The following OGDH variants were observed in gnomAD, a reference collection of about 807,000 sequenced individuals.
The protein encoded by OGDH is 2-oxoglutarate dehydrogenase complex component E1.
OGDH carries 38 observed loss-of-function variants against 116.6 expected under a neutral mutation model. The ratio of observed to expected loss-of-function variants is 0.33; its 90% CI spans 0.25 to 0.43. The LOEUF is 0.43. OGDH is among the 20% of genes least tolerant of loss of function. OGDH has a pLI of 1.00. For missense variants in OGDH, 825 were observed against 1,357.2 expected, an observed-to-expected ratio of 0.61 and a Z score of 6.16; for synonymous variants, 488 against 533.3, an observed-to-expected ratio of 0.92 and a Z score of 1.17.
At chr7:44,693,744 A>G in intron 10 of OGDH, 81 bp from the exon 11 acceptor site, 1 of 1,321,806 alleles carries the variant, frequency 7.6e-7, no homozygotes, top group Middle Eastern at 1.9e-4. Flanking sequence ...AGTGCATGCC[A>G]TGCCCGGCCT....
chr7:44,696,391 G>A (rs1235751118), intron 13 of OGDH, 38 bp from the exon 14 acceptor site: 4 of 1,600,030 alleles, frequency 2.5e-6, no homozygotes, highest in South Asian at 2.2e-5. Context: ...TGGAAAAGTA[G>A]AGCAGATGTC....
At position 44,645,381 on chromosome 7, in the gene OGDH, T is replaced by G. The variant is rs1324734463; in HGVS notation, c.277T>G (p.Tyr93Asp). The G allele has an allele frequency of 6.2e-7, 1 of 1,614,102 alleles. No homozygotes were observed. Among genetic ancestry groups the G allele is most frequent in the Non-Finnish European group, 8.5e-7 (1 of 1,180,030 alleles). The change falls in exon 3 of 23, where the codon TAC (tyrosine) becomes GAC (aspartate). Residue 93 changes from tyrosine (Y) to aspartate (D), a missense_variant. Around this residue, in one of 7 missense-constraint regions of OGDH, gnomAD observed 126 missense variants for 130.4 expected, o/e 0.97. Transcript: ENST00000222673. The stretch of plus-strand genomic sequence containing the variant: ...TGCCGGAGCCCCACCGGGCACTGCC[T>G]ACCAGAGTCCCCTTCCCCTGAGCCG... ...TNAGAPPGTA[Y>D]QSPLPLSRGS...
chr7:44,611,797 C>A (rs1784578300), intron 1 of OGDH, among the ~76,000 whole-genome samples: 1 of 150,358 alleles, frequency 6.7e-6, no homozygotes, highest in East Asian at 1.9e-4. Flanking sequence ...TATGTTTTCA[C>A]TTTATGGTAC....
chr7:44,650,097 G>C (rs1263705395), intron 4 of OGDH, among the ~76,000 whole-genome samples: 1 of 152,100 alleles, frequency 6.6e-6, no homozygotes, highest in Non-Finnish European at 1.5e-5. Flanking sequence ...TCAAGAGGAA[G>C]GTGCATTTTA....
At chr7:44,646,080 GAC>G (rs1412289492) in intron 3 of OGDH, among the ~76,000 whole-genome samples, 1 of 152,158 alleles carries the variant, frequency 6.6e-6, no homozygotes, top group Non-Finnish European at 1.5e-5. Flanking sequence ...TGTTGAGCAG[GAC>G]AAGGTTTTTC....
intron 1 of OGDH, among the ~76,000 whole-genome samples, chr7:44,622,042 A>G (rs1785030583): frequency 6.6e-6 from 1 of 152,208 alleles, no homozygotes; most frequent in Admixed American, 6.5e-5. Flanking sequence ...TTGTCAGTTC[A>G]GTGCCTGTTA....
At position 44,643,102 on chromosome 7, in the gene OGDH, A is replaced by T. The variant is rs1486622890; in HGVS notation, c.223-2225A>T. Among the ~76,000 whole-genome samples, 531 of 134,538 alleles carry T rather than the reference A, an allele frequency of 3.9e-3. 6 individuals are homozygous for T. Among genetic ancestry groups the T allele is most frequent in the Middle Eastern group, 3.5e-3 (1 of 288 alleles). The allele number at this position is 134,538 out of a possible 152,430, so 88.3% of individuals were successfully genotyped here. A position where few individuals can be genotyped will look rare whatever the true frequency, so the allele number is the denominator to read the frequency against. ...GCAAGACCCTGTTTCTTTAAAAAAAAAAAAAAAAAAAAAAAGTCATTTTTT... is the reference window on the plus strand; with the variant it reads ...GCAAGACCCTGTTTCTTTAAAAAAATAAAAAAAAAAAAAAAGTCATTTTTT... On this transcript the variant is annotated intron_variant, in intron 2 of 22. Transcript: ENST00000222673.
chr7:44,648,559 G>A (rs1786294188), intron 4 of OGDH, among the ~76,000 whole-genome samples: 1 of 152,174 alleles, frequency 6.6e-6, no homozygotes, highest in Admixed American at 6.5e-5. Context: ...TGTGCATGCT[G>A]ATGAAATTGA....
Position 44,707,839 on chromosome 7 carries a change from G to C in OGDH, c.2952-40G>C. The C allele has an allele frequency of 6.2e-7, 1 of 1,608,612 alleles. No individual in the cohort carries two copies. The highest frequency in any genetic ancestry group is 8.5e-7 in the Non-Finnish European group (1 of 1,177,218). ...CAGAGGGATGGGCTGGGCCAACTCA[G>C]TGTCCCCTGCCCTCACTGCCCCCTC... On this transcript the variant is annotated intron_variant, in intron 22 of 22. Transcript: ENST00000222673. This position sits in a 1 kb window ranked among gnomAD's most constrained non-coding sequence, Gnocchi z 5.2.
At chr7:44,617,167 A>G (rs12668041) in intron 1 of OGDH, among the ~76,000 whole-genome samples, 9,745 of 151,578 alleles carry the variant, frequency 0.064, 400 homozygotes, top group East Asian at 0.12. Flanking sequence ...TCCTGATCTC[A>G]GGTGATCCAC....
Position 44,696,456 on chromosome 7 carries a change from G to A in OGDH, c.1799G>A (p.Arg600Lys). ...TTCTTCACCCTGGACGGGCAGCCCAGGAGCATGTCCTGCCCCTCCACGGGT... is the reference window on the plus strand; with the variant it reads ...TTCTTCACCCTGGACGGGCAGCCCAAGAGCATGTCCTGCCCCTCCACGGGT... ...PGFFTLDGQP[R>K]SMSCPSTGLT... The change falls in exon 14 of 23, where the codon AGG (arginine) becomes AAG (lysine). Residue 600 changes from arginine to lysine, a missense_variant. Transcript: ENST00000222673. The A allele has an allele frequency of 6.2e-7, 1 of 1,614,208 alleles. No homozygotes were observed.
In OGDH at chr7:44,632,907, GA is replaced by G. The variant is rs111543968; in HGVS notation, c.222+8352del. Among the ~76,000 whole-genome samples, 257 of 149,286 alleles carry G rather than the reference GA, an allele frequency of 1.7e-3. 2 individuals are homozygous for G. The highest frequency in any genetic ancestry group is 5.6e-3 in the African/African-American group (229 of 40,754). Reference sequence around the variant, plus strand: ...ATTATCCTTTTGTACTGTACTTTAAGAAAAAAAAAATTTTGTTTAATGTCAG... The same window carrying G: ...ATTATCCTTTTGTACTGTACTTTAAGAAAAAAAAATTTTGTTTAATGTCAG... On this transcript the variant is annotated intron_variant, in intron 2 of 22. Coordinates refer to ENST00000222673, the MANE Select transcript of OGDH (RefSeq NM_002541.4).
At chr7:44,654,392 A>G (rs897526298) in intron 4 of OGDH, among the ~76,000 whole-genome samples, 33 of 152,236 alleles carry the variant, frequency 2.2e-4, no homozygotes, top group Non-Finnish European at 4.3e-4. Flanking sequence ...ACCTGCTGTC[A>G]TTAACAGCAC....
Position 44,698,176 on chromosome 7 carries a change from GC to G in OGDH, c.2359-15del. ...CGCAAGAGCTCTTAAACTGTAACTT[GC>G]GTGTGTGGTTCCAGGGTCCAGAACA... On this transcript the variant is annotated splice_polypyrimidine_tract_variant and intron_variant, in intron 17 of 22. Transcript: ENST00000222673. The G allele has an allele frequency of 1.2e-6, 2 of 1,614,180 alleles. No homozygotes were observed. Among genetic ancestry groups the G allele is most frequent in the Non-Finnish European group, 1.7e-6 (2 of 1,180,008 alleles).
intron 20 of OGDH, among the ~76,000 whole-genome samples, chr7:44,702,122 A>C (rs1193425332): frequency 6.6e-6 from 1 of 151,892 alleles, no homozygotes; most frequent in Non-Finnish European, 1.5e-5. Context: ...GTCACAGCTT[A>C]CATTCACGTT....
chr7:44,650,373 C>T (rs1014382908), intron 4 of OGDH, among the ~76,000 whole-genome samples: 1 of 152,118 alleles, frequency 6.6e-6, no homozygotes, highest in Non-Finnish European at 1.5e-5. Flanking sequence ...GGAATCCCAG[C>T]CCACTATTAC....
At chr7:44,695,194 C>T (rs1375185318) in intron 12 of OGDH, among the ~76,000 whole-genome samples, 1 of 152,082 alleles carries the variant, frequency 6.6e-6, no homozygotes, top group Non-Finnish European at 1.5e-5. Flanking sequence ...CTCCTTACTT[C>T]AAGCAGTTTT....
Position 44,627,088 on chromosome 7 carries a change from C to T in OGDH, c.222+2523C>T, listed in dbSNP as rs540367665. ...CTCAGCTCACTGCAACCTCCACCTC[C>T]GAGGCTCAAGCGATTCTCCTGCCTC... On this transcript the variant is annotated intron_variant, in intron 2 of 22. Coordinates refer to ENST00000222673, the MANE Select transcript of OGDH (RefSeq NM_002541.4). 2.3e-4 allele frequency among the ~76,000 whole-genome samples: 35 copies of T among 152,302 alleles called. No individual in the cohort carries two copies. The South Asian group carries it at 7.0e-3, about 31-fold the overall frequency.
At chr7:44,705,845 C>T (rs1438065244) in intron 20 of OGDH, among the ~76,000 whole-genome samples, 20 of 152,218 alleles carry the variant, frequency 1.3e-4, no homozygotes, top group Non-Finnish European at 2.9e-5. Flanking sequence ...GGGTGTCCGT[C>T]ACCCGAGTAC....
Sources: allele counts gnomAD v4.1 joint callset (sites outside exome capture counted in the v4.1 genomes callset), GRCh38; gene constraint gnomAD v4.1.1; regional missense constraint gnomAD v4.1.1; non-coding constraint Gnocchi (gnomAD v3.1); transcripts MANE v1.5; gene names NCBI Gene and HGNC (gene_info 2026-07-23, HGNC 2026-07-21).